Variants in NRG1 observed in about 807,000 individuals in gnomAD.
NRG1 encodes the protein pro-neuregulin-1, membrane-bound isoform.
NRG1 carries 18 observed loss-of-function variants against 63.8 expected under a neutral mutation model. That is an observed-to-expected ratio of 0.28 (90% CI 0.19 to 0.42). The LOEUF is 0.42. Ranked by LOEUF, NRG1 falls within the 10% of genes least tolerant of loss-of-function variation. The pLI is 1.00. For missense variants in NRG1, 762 were observed against 814.7 expected (o/e 0.94, Z 0.79); for synonymous variants, 302 against 301.3 (o/e 1.00, Z -0.02).
intron 11 of NRG1, chr8:32,761,111 G>A (rs1234357342): frequency 2.8e-6 from 1 of 353,954 alleles, no homozygotes; most frequent in Non-Finnish European, 3.9e-6. Context: ...TTATAGCAAA[G>A]GTAAAATGAA....
chr8:32,178,452 A>C (rs1159672780), intron 1 of NRG1, among the ~76,000 whole-genome samples: 2 of 152,136 alleles, frequency 1.3e-5, no homozygotes, highest in South Asian at 2.1e-4. Flanking sequence ...TCTACTAAAA[A>C]TACAAAAATT....
chr8:31,714,341 T>A (rs182903391), intron 1 of NRG1, among the ~76,000 whole-genome samples: 2 of 152,168 alleles, frequency 1.3e-5, no homozygotes, highest in South Asian at 4.1e-4. Flanking sequence ...ATTTTTTTTG[T>A]ATTGGTGGTC....
intron 1 of NRG1, among the ~76,000 whole-genome samples, chr8:32,195,033 T>C (rs1398090404): frequency 6.6e-6 from 1 of 152,200 alleles, no homozygotes; most frequent in Non-Finnish European, 1.5e-5. Flanking sequence ...GAAAGGTACT[T>C]CATCAACACC....
At chr8:31,732,146 TCTCA>T (rs562223073) in intron 1 of NRG1, among the ~76,000 whole-genome samples, 63 of 152,334 alleles carry the variant, frequency 4.1e-4, no homozygotes, top group Non-Finnish European at 7.8e-4. Context: ...GGGAGACCTT[TCTCA>T]CTCCTCTTCA....
intron 1 of NRG1, among the ~76,000 whole-genome samples, chr8:32,071,093 A>G (rs1825695129): frequency 6.6e-6 from 1 of 151,918 alleles, no homozygotes. Context: ...CCTTACCTCA[A>G]CCAGCCCATC....
At chr8:32,022,961 A>G (rs1816689850) in intron 1 of NRG1, among the ~76,000 whole-genome samples, 2 of 152,166 alleles carry the variant, frequency 1.3e-5, no homozygotes, top group Non-Finnish European at 2.9e-5. Context: ...TTTCAGCACA[A>G]CCTTTTGGAT....
chr8:32,320,564 G>T (rs1210897422), intron 1 of NRG1, among the ~76,000 whole-genome samples: 2 of 152,112 alleles, frequency 1.3e-5, no homozygotes, highest in African/African-American at 4.8e-5. Context: ...AGAGCAATAG[G>T]GGAGGTGCTA....
chr8:31,939,461 T>TA (rs1801420506), intron 1 of NRG1, among the ~76,000 whole-genome samples: 1 of 151,334 alleles, frequency 6.6e-6, no homozygotes, highest in African/African-American at 2.4e-5. Context: ...AGAACCTCCT[T>TA]AAAGCATAAA....
At chr8:32,667,261 A>G in intron 5 of NRG1, among the ~76,000 whole-genome samples, 1 of 152,196 alleles carries the variant, frequency 6.6e-6, no homozygotes, top group East Asian at 1.9e-4. Flanking sequence ...ATACAGTATT[A>G]TAATCTTATG....
intron 1 of NRG1, among the ~76,000 whole-genome samples, chr8:32,134,768 T>C (rs1185519442): frequency 6.6e-6 from 1 of 152,080 alleles, no homozygotes; most frequent in Non-Finnish European, 1.5e-5. Flanking sequence ...GTAATCCTAG[T>C]GCCTTTTAGA....
intron 1 of NRG1, among the ~76,000 whole-genome samples, chr8:32,162,495 G>A (rs1585751106): frequency 6.6e-6 from 1 of 152,018 alleles, no homozygotes; most frequent in East Asian, 1.9e-4. Context: ...TAAAAACAAA[G>A]AATGAAAAAT....
intron 1 of NRG1, among the ~76,000 whole-genome samples, chr8:32,326,307 C>CTTTTTTTTTT (rs745434807): frequency 9.9e-6 from 1 of 101,412 alleles, no homozygotes; most frequent in African/African-American, 4.1e-5. Context: ...TGTGCCCAGG[C>CTTTTTTTTTT]TTTTTTTTTT....
At chr8:32,634,099 T>TAAAAAAAAAAAAAAAGAAAAAAAAAAAA (rs1850848509) in intron 5 of NRG1, among the ~76,000 whole-genome samples, 1 of 86,796 alleles carries the variant, frequency 1.2e-5, no homozygotes, top group East Asian at 6.0e-4. Flanking sequence ...GATCTTGTCT[T>TAAAAAAAAAAAAAAAGAAAAAAAAAAAA]AAAAAAAAAA....
intron 1 of NRG1, among the ~76,000 whole-genome samples, chr8:32,122,515 G>A (rs1042232860): frequency 1.3e-5 from 2 of 151,938 alleles, no homozygotes; most frequent in African/African-American, 4.8e-5. Context: ...AGATAAACAT[G>A]CACAAAATTT....
intron 1 of NRG1, among the ~76,000 whole-genome samples, chr8:32,374,710 A>G (rs1262586034): frequency 6.6e-6 from 1 of 152,094 alleles, no homozygotes; most frequent in Non-Finnish European, 1.5e-5. Context: ...CTACTGAGAG[A>G]ACAGATAGGG....
chr8:32,592,567 G>GAAAT (rs1285188685), intron 1 of NRG1, among the ~76,000 whole-genome samples: 3 of 151,960 alleles, frequency 2.0e-5, no homozygotes, highest in African/African-American at 7.2e-5. Context: ...CCCTAATACA[G>GAAAT]AAATAAATAA....
chr8:32,086,627 T>G (rs1464628255), intron 1 of NRG1, among the ~76,000 whole-genome samples: 1 of 152,238 alleles, frequency 6.6e-6, no homozygotes, highest in African/African-American at 2.4e-5. Context: ...TCTGCATTTT[T>G]CAAAGATCAA....
In NRG1 at chr8:31,831,351, C is replaced by T. The variant is rs138747059; in HGVS notation, c.37+191920C>T. ...CTTTTGGCCTCAAGTGATCTGCCCC[C>T]GTTGGCCTCCCAAAGTGCTGGGATT... On this transcript the variant is annotated intron_variant, in intron 1 of 10. Coordinates refer to the NRG1 transcript ENST00000519301. Among the ~76,000 whole-genome samples the T allele has an allele frequency of 5.9e-3, 905 of 152,220 alleles. 12 individuals carry two copies. The highest frequency in any genetic ancestry group is 0.02 in the African/African-American group (813 of 41,538).
chr8:31,679,180 C>A (rs1320969982), intron 1 of NRG1, among the ~76,000 whole-genome samples: 1 of 151,816 alleles, frequency 6.6e-6, no homozygotes, highest in Non-Finnish European at 1.5e-5. Flanking sequence ...CTCTTTTCAC[C>A]TGTTGTCTTC....
Sources: gnomAD v4.1 joint callset for allele counts (sites outside exome capture counted in the v4.1 genomes callset) on GRCh38, gnomAD v4.1.1 for gene constraint, MANE v1.5 for transcripts, NCBI Gene and HGNC (gene_info 2026-07-23, HGNC 2026-07-21) for gene names.